C12orf54: variants seen among roughly 807,000 people sequenced by gnomAD.
C12orf54 encodes the protein uncharacterized protein C12orf54.
A neutral mutation model predicts 26.4 loss-of-function variants in C12orf54; 24 were observed. The ratio of observed to expected loss-of-function variants is 0.91; its 90% confidence interval spans 0.66 to 1.28. The LOEUF is 1.28. C12orf54 is among the 50% of genes most tolerant of loss of function. The pLI is 0.00. For missense variants in C12orf54, 154 were observed against 150.9 expected, an observed-to-expected ratio of 1.02 and a Z score of -0.11; for synonymous variants, 54 against 47.0, an observed-to-expected ratio of 1.15 and a Z score of -0.61.
chr12:48,474,424 G>T, the C12orf54 span, among the ~76,000 whole-genome samples: 6 of 152,180 alleles, frequency 3.9e-5, no homozygotes, highest in Non-Finnish European at 7.3e-5. Context: ...CACAGTGCAT[G>T]ACCCGAAGCA....
At chr12:48,426,581 C>A in the C12orf54 span, among the ~76,000 whole-genome samples, 1 of 151,968 alleles carries the variant, frequency 6.6e-6, no homozygotes, top group Admixed American at 6.6e-5. Flanking sequence ...ATTTTGGTTC[C>A]GTATGAATTT....
chr12:48,459,196 G>A, the C12orf54 span, among the ~76,000 whole-genome samples: 23 of 152,090 alleles, frequency 1.5e-4, no homozygotes, highest in East Asian at 1.5e-3. Context: ...TCCTGCTATC[G>A]CAGTGGTAGA....
chr12:48,461,218 G>A, the C12orf54 span, among the ~76,000 whole-genome samples: 1 of 151,880 alleles, frequency 6.6e-6, no homozygotes, highest in Non-Finnish European at 1.5e-5. Flanking sequence ...CATAAAAAAA[G>A]CATCTGTGCA....
intron 3 of C12orf54, 133 bp from the exon 4 acceptor site, chr12:48,486,555 A>G: frequency 1.1e-6 from 1 of 914,566 alleles, no homozygotes. Flanking sequence ...TGGCTGCCTG[A>G]GAAATGGGGT....
the C12orf54 span, among the ~76,000 whole-genome samples, chr12:48,429,753 C>T: frequency 6.6e-6 from 1 of 152,074 alleles, no homozygotes; most frequent in Admixed American, 6.6e-5. Context: ...AAGCAATCTA[C>T]AAATTCAGCA....
At chr12:48,441,703 C>G in the C12orf54 span, among the ~76,000 whole-genome samples, 2 of 152,076 alleles carry the variant, frequency 1.3e-5, no homozygotes, top group African/African-American at 4.8e-5. Context: ...CAATGTTTAC[C>G]ATACTGTGTA....
At chr12:48,474,739 A>AGCAG in the C12orf54 span, among the ~76,000 whole-genome samples, 1 of 152,274 alleles carries the variant, frequency 6.6e-6, no homozygotes, top group Non-Finnish European at 1.5e-5. Flanking sequence ...AGGTAAACAA[A>AGCAG]GCAGCCGGGA....
chr12:48,425,788 G>T, the C12orf54 span, among the ~76,000 whole-genome samples: 2 of 151,984 alleles, frequency 1.3e-5, no homozygotes, highest in Non-Finnish European at 1.5e-5. Flanking sequence ...GTGTGAGATG[G>T]TATCTCATTG....
At chr12:48,484,618 T>C (rs1305044388) in intron 2 of C12orf54, among the ~76,000 whole-genome samples, 2 of 152,226 alleles carry the variant, frequency 1.3e-5, no homozygotes, top group Non-Finnish European at 1.5e-5. Context: ...AGATTACTCC[T>C]CTTGTTTTAT....
At chr12:48,419,535 C>A in the C12orf54 span, among the ~76,000 whole-genome samples, 1 of 151,916 alleles carries the variant, frequency 6.6e-6, no homozygotes, top group South Asian at 2.1e-4. Context: ...GAGAGCAGAT[C>A]GGAATATGTT....
intron 2 of C12orf54, among the ~76,000 whole-genome samples, chr12:48,485,703 T>C (rs989555333): frequency 6.6e-5 from 10 of 152,182 alleles, no homozygotes; most frequent in Non-Finnish European, 1.3e-4. Context: ...AGCAAATCTT[T>C]CCACTTCTTC....
the C12orf54 span, among the ~76,000 whole-genome samples, chr12:48,470,002 C>T: frequency 2.0e-5 from 3 of 152,172 alleles, no homozygotes; most frequent in Non-Finnish European, 2.9e-5. Context: ...TCTCCAACCA[C>T]GTTGCTGCAA....
the C12orf54 span, among the ~76,000 whole-genome samples, chr12:48,462,414 C>T: frequency 1.1e-3 from 162 of 151,210 alleles, no homozygotes; most frequent in African/African-American, 3.5e-3. Flanking sequence ...ATTATGATGC[C>T]AAAAATCGGA....
At chr12:48,461,592 A>T in the C12orf54 span, among the ~76,000 whole-genome samples, 76 of 150,018 alleles carry the variant, frequency 5.1e-4, no homozygotes, top group African/African-American at 1.8e-3. Context: ...ATATCTGGAA[A>T]AATCTTCAAA....
At chr12:48,472,801 T>C in the C12orf54 span, 2 of 1,614,146 alleles carry the variant, frequency 1.2e-6, no homozygotes, top group South Asian at 1.1e-5. Flanking sequence ...GAACTGGAAT[T>C]ATTAAATACA....
the C12orf54 span, chr12:48,472,530 G>A: frequency 2.1e-6 from 2 of 963,832 alleles, no homozygotes; most frequent in East Asian, 2.6e-5. Context: ...TAGATTTTGG[G>A]TGTGTTTGGA....
the C12orf54 span, among the ~76,000 whole-genome samples, chr12:48,471,551 T>G: frequency 1.3e-5 from 2 of 152,240 alleles, no homozygotes; most frequent in African/African-American, 2.4e-5. Flanking sequence ...GGTTTCATTC[T>G]TCTGCATATG....
chr12:48,487,940 G>T lies in C12orf54; in HGVS notation c.136-984G>T, dbSNP rs947629177. 4.5e-6 allele frequency: 3 copies of T among 665,360 alleles called. No homozygotes were observed. The East Asian group carries it at 7.8e-5, about 17-fold the overall frequency. 41.2% of individuals were successfully genotyped at this position (665,360 alleles called of 1,614,324 possible). A position where few individuals can be genotyped will look rare whatever the true frequency, so the allele number is the denominator to read the frequency against. The stretch of plus-strand genomic sequence containing the variant: ...AGCCCTGGCCCTGGATCCTATAGCC[G>T]CTGAGATGTTGATACCTAAGAAGAA... On this transcript the variant is annotated intron_variant, in intron 4 of 8. Coordinates refer to ENST00000548364, the MANE Select transcript of C12orf54 (RefSeq NM_152319.4).
the C12orf54 span, among the ~76,000 whole-genome samples, chr12:48,434,590 C>A: frequency 6.6e-6 from 1 of 152,210 alleles, no homozygotes; most frequent in Non-Finnish European, 1.5e-5. Context: ...CAGGCAGCAG[C>A]ATTTGCGGTT....
Sources: gnomAD v4.1 joint callset for allele counts (sites outside exome capture counted in the v4.1 genomes callset) on GRCh38, gnomAD v4.1.1 for gene constraint, MANE v1.5 for transcripts, NCBI Gene and HGNC (gene_info 2026-07-23, HGNC 2026-07-21) for gene names.